DHRSX: variants seen among roughly 807,000 people sequenced by gnomAD.
DHRSX encodes dehydrogenase/reductase X-linked, also known as polyprenol dehydrogenase.
In DHRSX, 31 loss-of-function variants were observed where a neutral mutation model predicts 34.0. That is an observed-to-expected ratio of 0.91 (90% CI 0.69 to 1.23). The LOEUF (loss-of-function observed/expected upper bound fraction) is 1.23, where lower values mean the gene tolerates loss of function less well. Among genes scored for constraint, DHRSX ranks in the 50% most tolerant of loss-of-function variants. DHRSX has a pLI of 0.00. For synonymous variants in DHRSX, 201 were observed against 183.8 expected, an observed-to-expected ratio of 1.09 and a Z score of -0.76; for missense variants, 414 against 428.1, an observed-to-expected ratio of 0.97 and a Z score of 0.29.
At chrX:2,443,498 G>A (rs775920715) in intron 1 of DHRSX, among the ~76,000 whole-genome samples, 79 of 152,074 alleles carry the variant, frequency 5.2e-4, no homozygotes, top group Admixed American at 9.2e-4. Flanking sequence ...CTGCCTCTCC[G>A]GACACAGCAC....
At chrX:2,321,894 G>A (rs893936072) in intron 3 of DHRSX, among the ~76,000 whole-genome samples, 16 of 152,080 alleles carry the variant, frequency 1.1e-4, no homozygotes, top group African/African-American at 3.4e-4. Context: ...CCTTCATGAC[G>A]ATCCACTCCC....
At chrX:2,483,435 T>A (rs2044804495) in intron 1 of DHRSX, among the ~76,000 whole-genome samples, 2 of 152,000 alleles carry the variant, frequency 1.3e-5, no homozygotes, top group South Asian at 2.1e-4. Context: ...GCCTGGCTAA[T>A]TTTTTGTATT....
intron 1 of DHRSX, among the ~76,000 whole-genome samples, chrX:2,435,910 G>C (rs2043985291): frequency 6.6e-6 from 1 of 152,164 alleles, no homozygotes; most frequent in African/African-American, 2.4e-5. Context: ...TATGTTTCAT[G>C]GGGGCTGGGC....
chrX:2,311,074 AAAGAG>A (rs2042159250), intron 3 of DHRSX, among the ~76,000 whole-genome samples: 2 of 151,636 alleles, frequency 1.3e-5, no homozygotes, highest in African/African-American at 4.8e-5. Flanking sequence ...AAAAAAAAAA[AAAGAG>A]AGACAGAAGG....
At chrX:2,470,223 G>A (rs1005469213) in intron 1 of DHRSX, among the ~76,000 whole-genome samples, 1 of 151,086 alleles carries the variant, frequency 6.6e-6, no homozygotes, top group Admixed American at 6.7e-5. Context: ...TGCAATGGTG[G>A]TTGCCAGGGA....
intron 5 of DHRSX, among the ~76,000 whole-genome samples, chrX:2,259,228 G>A (rs185797373): frequency 8.6e-5 from 13 of 151,182 alleles, no homozygotes; most frequent in Admixed American, 3.3e-4. Context: ...AGCCGAGATC[G>A]CACCACTGCA....
chrX:2,391,824 G>T (rs1399855565), intron 3 of DHRSX, among the ~76,000 whole-genome samples: 1 of 152,088 alleles, frequency 6.6e-6, no homozygotes, highest in Admixed American at 6.6e-5. Context: ...CTACTGGGGA[G>T]ACTGAGGCAG....
chrX:2,221,231 T>C lies in DHRSX; in HGVS notation c.805-2A>G. 1 of 1,611,768 alleles carries C rather than the reference T, an allele frequency of 6.2e-7. No homozygotes were observed. The highest frequency in any genetic ancestry group is 8.5e-7 in the Non-Finnish European group (1 of 1,178,852). ...AGTCCACGCTCCTTCATCGGGGGTC[T>C]GGTGGAAGAAGAAAAGAAGGCTACG... On this transcript the variant is annotated splice_acceptor_variant, in intron 6 of 6. Coordinates refer to ENST00000334651, the MANE Select transcript of DHRSX (RefSeq NM_145177.3). LOFTEE classifies it high-confidence loss of function.
Position 2,254,642 on chromosome X carries a change from T to G in DHRSX, c.597-11412A>C, listed in dbSNP as rs972739062. The stretch of plus-strand genomic sequence containing the variant: ...AGAAAATACTGCGAATAAAGAGAGG[T>G]TTTTTTTGTTTGTTTGTTTTTTTGA... On this transcript the variant is annotated intron_variant, in intron 5 of 6. Transcript: ENST00000334651. Among the ~76,000 whole-genome samples the G allele has an allele frequency of 9.9e-5, 15 of 151,654 alleles. No individual in the cohort carries two copies. The South Asian group carries it at 2.7e-3, about 27-fold the overall frequency.
At chrX:2,269,380 A>G (rs1040062039) in intron 4 of DHRSX, among the ~76,000 whole-genome samples, 3 of 149,696 alleles carry the variant, frequency 2.0e-5, no homozygotes, top group African/African-American at 7.4e-5. Flanking sequence ...ATGTGCTTGT[A>G]TTTGTGTGTA....
intron 6 of DHRSX, among the ~76,000 whole-genome samples, chrX:2,222,868 C>A (rs2015552463): frequency 6.6e-6 from 1 of 152,178 alleles, no homozygotes; most frequent in African/African-American, 2.4e-5. Flanking sequence ...GCATGGTAGA[C>A]AATCCAGTGT....
chrX:2,377,502 G>A (rs980901351), intron 3 of DHRSX, among the ~76,000 whole-genome samples: 5 of 151,982 alleles, frequency 3.3e-5, no homozygotes, highest in South Asian at 2.1e-4. Context: ...GACCTCAGGC[G>A]GTAATGCGTG....
chrX:2,310,892 C>T (rs1163128898), intron 3 of DHRSX, among the ~76,000 whole-genome samples: 1 of 151,880 alleles, frequency 6.6e-6, no homozygotes, highest in African/African-American at 2.4e-5. Flanking sequence ...GAAACCCCGT[C>T]TCTACTAAAA....
intron 3 of DHRSX, among the ~76,000 whole-genome samples, chrX:2,333,841 C>T (rs1022748013): frequency 3.9e-5 from 6 of 152,076 alleles, no homozygotes; most frequent in African/African-American, 7.2e-5. Context: ...TGAGAACATG[C>T]GATATTTGCT....
At chrX:2,465,472 A>T (rs2873363) in intron 1 of DHRSX, among the ~76,000 whole-genome samples, 5,654 of 152,190 alleles carry the variant, frequency 0.037, 172 homozygotes, top group South Asian at 0.084. Flanking sequence ...ATTTCATCAC[A>T]GCACAGAGCC....
chrX:2,399,725 C>CAAAAA (rs779558142), intron 3 of DHRSX, among the ~76,000 whole-genome samples: 13 of 35,234 alleles, frequency 3.7e-4, no homozygotes, highest in East Asian at 8.9e-4. Context: ...AAACAAAAAG[C>CAAAAA]AAAAAAAAAA....
chrX:2,254,428 ATGAG>A (rs1375096013), intron 5 of DHRSX, among the ~76,000 whole-genome samples: 5 of 152,190 alleles, frequency 3.3e-5, no homozygotes, highest in Non-Finnish European at 4.4e-5. Context: ...CACTGTTTTA[ATGAG>A]TAAGTATGGG....
intron 3 of DHRSX, among the ~76,000 whole-genome samples, chrX:2,323,018 G>A (rs1479918460): frequency 2.1e-5 from 3 of 146,102 alleles, no homozygotes; most frequent in African/African-American, 7.6e-5. Context: ...CCGCCTCCCA[G>A]GTTCAAGCGA....
chrX:2,484,460 C>G (rs1433138706), intron 1 of DHRSX, among the ~76,000 whole-genome samples: 6 of 152,158 alleles, frequency 3.9e-5, no homozygotes, highest in Non-Finnish European at 2.9e-5. Flanking sequence ...AGGAGCCTGG[C>G]TGCAAAGCCC....
Sources: allele counts gnomAD v4.1 joint callset (sites outside exome capture counted in the v4.1 genomes callset), GRCh38; gene constraint gnomAD v4.1.1; transcripts MANE v1.5; gene names NCBI Gene and HGNC (gene_info 2026-07-23, HGNC 2026-07-21).